Variants in DMD observed in about 807,000 individuals in gnomAD.
The protein encoded by DMD is mutant dystrophin.
DMD carries 63 observed loss-of-function variants against 330.1 expected under a neutral mutation model. That is an observed-to-expected ratio of 0.19 (90% CI 0.16 to 0.24). DMD has a LOEUF of 0.24. Ranked by LOEUF, DMD falls within the 10% of genes least tolerant of loss-of-function variation. DMD has a pLI of 1.00. For synonymous variants in DMD, 1,223 were observed against 959.8 expected (o/e 1.27, Z -5.07); for missense variants, 3,344 against 2,684.1 (o/e 1.25, Z -5.43).
chrX:32,824,939 T>C (rs756468222), intron 4 of DMD, among the ~76,000 whole-genome samples: 2 of 111,703 alleles, frequency 1.8e-5, no homozygotes, highest in Admixed American at 9.5e-5. Flanking sequence ...GGATTCCTCA[T>C]ATGGCAGTAG....
chrX:32,680,531 C>T (rs753907236), intron 9 of DMD, among the ~76,000 whole-genome samples: 4 of 111,125 alleles, frequency 3.6e-5, no homozygotes, highest in Admixed American at 9.6e-5. Flanking sequence ...GAAAAATCTC[C>T]AATAATTCTT....
chrX:31,963,413 CAAG>C (rs1294167921), intron 45 of DMD, among the ~76,000 whole-genome samples: 4 of 111,851 alleles, frequency 3.6e-5, no homozygotes, highest in Non-Finnish European at 7.5e-5. Flanking sequence ...AAGTCTCACA[CAAG>C]AAGGGCTTTT....
chrX:32,254,811 T>G (rs1603629341), intron 43 of DMD, among the ~76,000 whole-genome samples: 1 of 112,108 alleles, frequency 8.9e-6, no homozygotes, highest in East Asian at 2.8e-4. Flanking sequence ...TATCAGCAAT[T>G]TGGGCACATG....
chrX:32,844,433 A>G (rs1183057992), intron 4 of DMD, among the ~76,000 whole-genome samples: 1 of 109,982 alleles, frequency 9.1e-6, no homozygotes, highest in Non-Finnish European at 1.9e-5. Flanking sequence ...AAAAGAAAAG[A>G]AAAGAAAAGA....
At chrX:32,558,571 T>C (rs1302821149) in intron 16 of DMD, among the ~76,000 whole-genome samples, 2 of 111,671 alleles carry the variant, frequency 1.8e-5, no homozygotes. Flanking sequence ...TTATTATCAT[T>C]ATTTTTTAGC....
chrX:33,194,269 A>G (rs967578442), intron 1 of DMD, among the ~76,000 whole-genome samples: 3 of 110,445 alleles, frequency 2.7e-5, no homozygotes, highest in Non-Finnish European at 5.7e-5. Flanking sequence ...TATATTTTCA[A>G]CTTTCAAAAT....
intron 68 of DMD, among the ~76,000 whole-genome samples, chrX:31,180,977 TTAA>T (rs779941192): frequency 8.0e-5 from 9 of 112,093 alleles, no homozygotes; most frequent in African/African-American, 2.9e-4. Flanking sequence ...AAGTCTCGCT[TTAA>T]TAATGTTTTC....
chrX:31,959,506 C>A (rs1174403350), intron 45 of DMD, among the ~76,000 whole-genome samples: 1 of 111,772 alleles, frequency 8.9e-6, no homozygotes, highest in Non-Finnish European at 1.9e-5. Context: ...AGTGGTCACT[C>A]ATTTACTTCT....
At chrX:32,399,215 C>T (rs1177734911) in intron 30 of DMD, among the ~76,000 whole-genome samples, 1 of 111,470 alleles carries the variant, frequency 9.0e-6, no homozygotes, top group East Asian at 2.8e-4. Context: ...CACAGGCAAC[C>T]AAAGCAAAAA....
intron 30 of DMD, among the ~76,000 whole-genome samples, chrX:32,399,470 A>G (rs763321487): frequency 2.7e-4 from 30 of 111,976 alleles, no homozygotes; most frequent in Non-Finnish European, 5.1e-4. Context: ...ACAAACGGGT[A>G]TATGAAAAGG....
At chrX:33,205,745 A>G (rs140382947) in intron 1 of DMD, among the ~76,000 whole-genome samples, 495 of 111,897 alleles carry the variant, frequency 4.4e-3, no homozygotes, top group African/African-American at 0.015. Context: ...AATATGGGAC[A>G]CCGTAATGGT....
At chrX:32,821,503 G>T (rs1000556231) in intron 5 of DMD, among the ~76,000 whole-genome samples, 1 of 109,970 alleles carries the variant, frequency 9.1e-6, no homozygotes, top group South Asian at 4.0e-4. Flanking sequence ...CAGGAGAATG[G>T]CGTGAATCCG....
In DMD at chrX:31,582,216, C is replaced by G. The variant is rs2076374617; in HGVS notation, c.8217+45457G>C. ...ATGCCCTATGGACCAGAGGTCTAGTCTGAAGTTTGAGGTTATTTTTAAAGA... is the reference window on the plus strand; with the variant it reads ...ATGCCCTATGGACCAGAGGTCTAGTGTGAAGTTTGAGGTTATTTTTAAAGA... On this transcript the variant is annotated intron_variant, in intron 55 of 78. Coordinates refer to ENST00000357033, the MANE Select transcript of DMD (RefSeq NM_004006.3). Among the ~76,000 whole-genome samples the G allele has an allele frequency of 2.7e-5, 3 of 111,770 alleles. No individual in the cohort carries two copies. The South Asian group carries it at 1.1e-3, about 42-fold the overall frequency.
chrX:31,249,950 A>AT (rs2049182851), intron 63 of DMD, among the ~76,000 whole-genome samples: 1 of 111,903 alleles, frequency 8.9e-6, no homozygotes, highest in Non-Finnish European at 1.9e-5. Context: ...AAGTCTCATC[A>AT]TAACTATTTA....
intron 2 of DMD, among the ~76,000 whole-genome samples, chrX:33,018,859 A>G (rs1328110946): frequency 9.1e-6 from 1 of 110,025 alleles, no homozygotes; most frequent in Non-Finnish European, 1.9e-5. Context: ...TTATTCTTCT[A>G]TATTTGTGTT....
At chrX:32,315,995 G>A (rs1436828599) in intron 41 of DMD, among the ~76,000 whole-genome samples, 1 of 111,315 alleles carries the variant, frequency 9.0e-6, no homozygotes, top group Non-Finnish European at 1.9e-5. Context: ...TTTAAATAAT[G>A]AAGAAGCTCT....
chrX:32,444,095 A>T (rs1165443021), intron 27 of DMD, among the ~76,000 whole-genome samples: 1 of 110,817 alleles, frequency 9.0e-6, no homozygotes, highest in African/African-American at 3.3e-5. Context: ...GGGGCATTTA[A>T]CACTAACTTG....
chrX:32,924,617 T>C lies in DMD; in HGVS notation c.94-74797A>G, dbSNP rs967500699. On this transcript the variant is annotated intron_variant, in intron 2 of 78. Coordinates refer to ENST00000357033, the MANE Select transcript of DMD (RefSeq NM_004006.3). Reference sequence around the variant, plus strand: ...TACAACATATTTCAAACCACAGCCCTATTGAAGTTAATTTCTGTGTGATGG... The same window carrying C: ...TACAACATATTTCAAACCACAGCCCCATTGAAGTTAATTTCTGTGTGATGG... Among the ~76,000 whole-genome samples, 3 of 112,219 alleles carry C rather than the reference T, an allele frequency of 2.7e-5. No individual in the cohort carries two copies. In the Admixed American group the frequency reaches 2.8e-4, roughly 11 times the overall value.
intron 48 of DMD, among the ~76,000 whole-genome samples, chrX:31,862,703 T>A (rs1287538455): frequency 8.9e-6 from 1 of 112,376 alleles, no homozygotes; most frequent in African/African-American, 3.2e-5. Flanking sequence ...CTATTTTATT[T>A]TACCCATTAA....
Sources: gnomAD v4.1 joint callset for allele counts (sites outside exome capture counted in the v4.1 genomes callset) on GRCh38, gnomAD v4.1.1 for gene constraint, MANE v1.5 for transcripts, NCBI Gene and HGNC (gene_info 2026-07-23, HGNC 2026-07-21) for gene names.